The following UGT2B10 variants were observed in gnomAD, a reference collection of about 807,000 sequenced individuals.
UGT2B10 encodes UDP glucuronosyltransferase family 2 member B10, also known as UDP-glucuronosyltransferase 2B10.
In UGT2B10, 51 loss-of-function variants were observed where a neutral mutation model predicts 43.7. The ratio of observed to expected loss-of-function variants is 1.17; its 90% CI spans 0.93 to 1.47. The LOEUF (loss-of-function observed/expected upper bound fraction) is 1.47, where lower values mean the gene tolerates loss of function less well. Among genes scored for constraint, UGT2B10 ranks in the 40% most tolerant of loss-of-function variants. UGT2B10 has a pLI of 0.00. For missense variants in UGT2B10, 696 were observed against 617.7 expected, an observed-to-expected ratio of 1.13 and a Z score of -1.34; for synonymous variants, 225 against 209.0, an observed-to-expected ratio of 1.08 and a Z score of -0.66.
At chr4:68,820,051 T>C (rs548627647) in intron 2 of UGT2B10, among the ~76,000 whole-genome samples, 18 of 152,054 alleles carry the variant, frequency 1.2e-4, no homozygotes, top group African/African-American at 2.2e-4. Flanking sequence ...ATGAAAAATA[T>C]ATGCCACTCT....
chr4:68,820,712 T>C (rs1737449976), intron 2 of UGT2B10, among the ~76,000 whole-genome samples: 1 of 152,080 alleles, frequency 6.6e-6, no homozygotes, highest in South Asian at 2.1e-4. Flanking sequence ...GTGTCGTGTA[T>C]GTACATTGAC....
intron 3 of UGT2B10, among the ~76,000 whole-genome samples, chr4:68,823,808 TATA>T (rs1231226226): frequency 6.6e-6 from 1 of 152,154 alleles, no homozygotes; most frequent in East Asian, 1.9e-4. Context: ...TGGATGATGC[TATA>T]ATAATAGGCT....
chr4:68,827,449 C>A lies in UGT2B10; in HGVS notation c.1208C>A (p.Ala403Asp). ...PLFFDQPDNI[A>D]HMKAKGAAVR... ...TTTTTTGATCAACCTGATAATATTG[C>A]TCACATGAAGGCCAAGGGAGCAGCT... The change falls in exon 5 of 6, where the codon GCT becomes GAT. Residue 403 changes from alanine to aspartate, a missense_variant. Physicochemically the swap from Ala to Asp is moderately radical, Grantham distance 126. Coordinates refer to ENST00000265403, the MANE Select transcript of UGT2B10 (RefSeq NM_001075.6). The A allele has an allele frequency of 6.2e-7, 1 of 1,613,550 alleles. No individual in the cohort carries two copies. Among genetic ancestry groups the A allele is most frequent in the Non-Finnish European group, 8.5e-7 (1 of 1,179,662 alleles).
intron 2 of UGT2B10, among the ~76,000 whole-genome samples, chr4:68,819,030 A>C (rs1349700925): frequency 2.0e-5 from 3 of 151,896 alleles, no homozygotes; most frequent in African/African-American, 7.2e-5. Flanking sequence ...TTTTCCATGG[A>C]TTCAGGTAGC....
chr4:68,817,905 C>A, intron 1 of UGT2B10, 124 bp from the exon 2 acceptor site: 1 of 1,111,968 alleles, frequency 9.0e-7, no homozygotes, highest in Non-Finnish European at 1.2e-6. Context: ...AATATATGTA[C>A]ATATTTTTCA....
chr4:68,822,834 G>C (rs1737578889), intron 3 of UGT2B10, among the ~76,000 whole-genome samples: 1 of 152,064 alleles, frequency 6.6e-6, no homozygotes, highest in South Asian at 2.1e-4. Flanking sequence ...ATCCAGAACT[G>C]TGTTCTTGTA....
intron 3 of UGT2B10, among the ~76,000 whole-genome samples, chr4:68,822,679 A>G (rs1484313804): frequency 3.3e-5 from 5 of 152,070 alleles, no homozygotes; most frequent in Non-Finnish European, 5.9e-5. Flanking sequence ...ACAAAAGGGA[A>G]CTTGAGACCC....
intron 3 of UGT2B10, 35 bp downstream of exon 3, chr4:68,822,437 C>G: frequency 6.2e-7 from 1 of 1,609,388 alleles, no homozygotes; most frequent in Non-Finnish European, 8.5e-7. Flanking sequence ...TGGAAAACTA[C>G]TGAAAGAGGC....
chr4:68,817,814 T>C (rs938761216), intron 1 of UGT2B10, among the ~76,000 whole-genome samples: 2 of 151,792 alleles, frequency 1.3e-5, no homozygotes, highest in Admixed American at 1.3e-4. Context: ...AACCTCATAA[T>C]TCTCCCACTA....
chr4:68,818,665 G>A (rs966675828), intron 2 of UGT2B10, among the ~76,000 whole-genome samples: 13 of 151,794 alleles, frequency 8.6e-5, no homozygotes, highest in Admixed American at 6.6e-4. Flanking sequence ...ATAATAGAAA[G>A]TATCCTGGAG....
rs940293527 is a variant in UGT2B10, at chr4:68,831,426, G to T, written c.*547G>T. Among the ~76,000 whole-genome samples, 1 of 152,174 alleles carries T rather than the reference G, an allele frequency of 6.6e-6. No homozygotes were observed. Among genetic ancestry groups the T allele is most frequent in the South Asian group, 2.1e-4 (1 of 4,824 alleles). On this transcript the variant is annotated 3_prime_UTR_variant, in exon 6 of 6. Coordinates refer to ENST00000265403, the MANE Select transcript of UGT2B10 (RefSeq NM_001075.6). ...ATTTTTATATAAGAATGATTCAAAT[G>T]TTCAGGGATGAAAGAGTCACTAACA... is the stretch of plus-strand genomic sequence containing the variant.
At chr4:68,823,379 T>C (rs1737609464) in intron 3 of UGT2B10, among the ~76,000 whole-genome samples, 1 of 151,940 alleles carries the variant, frequency 6.6e-6, no homozygotes, top group African/African-American at 2.4e-5. Context: ...TGGTGGTGTG[T>C]GCCTGTAACC....
chr4:68,823,259 G>A (rs1309092510), intron 3 of UGT2B10, among the ~76,000 whole-genome samples: 1 of 152,122 alleles, frequency 6.6e-6, no homozygotes, highest in East Asian at 1.9e-4. Context: ...TGTAATCCCA[G>A]CACTTTGGGA....
At position 68,822,314 on chromosome 4, in the gene UGT2B10, T is replaced by G. The variant is rs1370192273; in HGVS notation, c.911T>G (p.Val304Gly). The G allele has an allele frequency of 3.1e-6, 5 of 1,613,458 alleles. No homozygotes were observed. The highest frequency in any genetic ancestry group is 3.4e-6 in the Non-Finnish European group (4 of 1,179,808). The change falls in exon 3 of 6, where the codon GTG (valine) becomes GGG (glycine). Residue 304 changes from valine (V) to glycine (G), a missense_variant. Val to Gly is a moderately radical substitution (Grantham distance 109). Coordinates refer to ENST00000265403, the MANE Select transcript of UGT2B10 (RefSeq NM_001075.6). ...FVQSSGENGV[V>G]VFSLGSMVSN... ...CAGAGCTCTGGAGAAAATGGTGTTG[T>G]GGTGTTTTCTCTGGGGTCAATGGTC...
chr4:68,819,064 C>T (rs1200059732), intron 2 of UGT2B10, among the ~76,000 whole-genome samples: 5 of 151,808 alleles, frequency 3.3e-5, no homozygotes, highest in Non-Finnish European at 7.4e-5. Context: ...GTGGACTACA[C>T]TGTTGATAGA....
At position 68,826,497 on chromosome 4, in the gene UGT2B10, G is replaced by C. The variant is rs761612483; in HGVS notation, c.1087G>C (p.Gly363Arg). Residue 363 changes from glycine (G) to arginine (R), a missense_variant and splice_region_variant, in exon 4 of 6, where the codon GGT becomes CGT. Transcript: ENST00000265403. ...YKWIPQNDLLGHPKTRAFITH... is the reference protein window; with the variant it reads ...YKWIPQNDLLRHPKTRAFITH... ...GTGGATACCCCAGAATGACCTTCTA[G>C]GTAACACTCTGGTGAACAATACTGG... The C allele has an allele frequency of 1.9e-6, 3 of 1,611,438 alleles. No individual in the cohort carries two copies. In the East Asian group the frequency reaches 6.7e-5, roughly 36 times the overall value.
intron 1 of UGT2B10, among the ~76,000 whole-genome samples, chr4:68,817,253 A>G (rs1560413779): frequency 1.3e-5 from 2 of 151,796 alleles, no homozygotes; most frequent in African/African-American, 4.8e-5. Flanking sequence ...GCAAAAATCA[A>G]TAAGGGTAAT....
chr4:68,830,534 T>C, intron 5 of UGT2B10, 66 bp from the exon 6 acceptor site: 4 of 1,513,014 alleles, frequency 2.6e-6, no homozygotes, highest in South Asian at 2.7e-5. Flanking sequence ...AAGCCTTTCA[T>C]AGACTTGATA....
At chr4:68,827,942 TTTA>T (rs1459269089) in intron 5 of UGT2B10, among the ~76,000 whole-genome samples, 3 of 151,986 alleles carry the variant, frequency 2.0e-5, no homozygotes, top group African/African-American at 7.2e-5. Context: ...AAAATTAATT[TTTA>T]TTATTATCTT....
Sources: allele counts gnomAD v4.1 joint callset (sites outside exome capture counted in the v4.1 genomes callset), GRCh38; gene constraint gnomAD v4.1.1; transcripts MANE v1.5; gene names NCBI Gene and HGNC (gene_info 2026-07-23, HGNC 2026-07-21).